Variants in ADARB2 observed in about 807,000 individuals in gnomAD.
ADARB2 encodes the protein adenosine deaminase RNA specific B2 (inactive).
In ADARB2, 25 loss-of-function variants were observed where a neutral mutation model predicts 62.2. The ratio of observed to expected loss-of-function variants is 0.40; its 90% confidence interval spans 0.29 to 0.56. The LOEUF is 0.56. Among genes scored for constraint, ADARB2 ranks in the 20% least tolerant of loss-of-function variants. The probability of loss-of-function intolerance (pLI) is 0.43; values close to 1 mark genes in which losing one functional copy is unlikely to be tolerated. For missense variants in ADARB2, 1,071 were observed against 1,077.4 expected (o/e 0.99, Z 0.08); for synonymous variants, 572 against 500.8 (o/e 1.14, Z -1.90).
chr10:1,396,697 TCTCCC>T, intron 1 of ADARB2, among the ~76,000 whole-genome samples: 1 of 142,482 alleles, frequency 7.0e-6, no homozygotes, highest in African/African-American at 2.7e-5. Flanking sequence ...ACCGTCCGTC[TCTCCC>T]CTCCCGAGCG....
At chr10:1,353,511 G>A (rs908475668) in intron 3 of ADARB2, among the ~76,000 whole-genome samples, 2 of 152,038 alleles carry the variant, frequency 1.3e-5, no homozygotes, top group Non-Finnish European at 2.9e-5. Context: ...GACAGGTCCA[G>A]CAAGACCTCC....
intron 1 of ADARB2, among the ~76,000 whole-genome samples, chr10:1,568,554 A>G (rs1439426558): frequency 2.6e-5 from 4 of 151,738 alleles, no homozygotes; most frequent in African/African-American, 9.7e-5. Context: ...AAAAGAAAGA[A>G]AGAAAAGAAG....
intron 7 of ADARB2, among the ~76,000 whole-genome samples, chr10:1,206,111 T>C (rs1837058497): frequency 6.6e-6 from 1 of 152,254 alleles, no homozygotes; most frequent in Non-Finnish European, 1.5e-5. Flanking sequence ...TCATTTCTCT[T>C]CTGAAAAACC....
intron 1 of ADARB2, among the ~76,000 whole-genome samples, chr10:1,427,405 C>T (rs747307363): frequency 8.5e-5 from 13 of 152,140 alleles, no homozygotes; most frequent in South Asian, 4.1e-4. Flanking sequence ...CCATTAGAAA[C>T]GGGCAAAAGA....
intron 3 of ADARB2, among the ~76,000 whole-genome samples, chr10:1,339,710 C>T (rs1322534598): frequency 6.6e-6 from 1 of 152,208 alleles, no homozygotes. Flanking sequence ...GGGTGTGGGG[C>T]TGCTCTGGCC....
chr10:1,735,531 T>C (rs1588371141), intron 1 of ADARB2, among the ~76,000 whole-genome samples: 1 of 152,280 alleles, frequency 6.6e-6, no homozygotes, highest in East Asian at 1.9e-4. Context: ...GTAAAGATGA[T>C]GCTTCCTTTT....
At chr10:1,657,289 T>C (rs1259539994) in intron 1 of ADARB2, among the ~76,000 whole-genome samples, 1 of 152,238 alleles carries the variant, frequency 6.6e-6, no homozygotes, top group Admixed American at 6.5e-5. Context: ...CTTGTAGTAC[T>C]GCAAATTCTA....
At chr10:1,656,993 C>A (rs1477936865) in intron 1 of ADARB2, among the ~76,000 whole-genome samples, 1 of 96,106 alleles carries the variant, frequency 1.0e-5, no homozygotes, top group Non-Finnish European at 2.1e-5. Flanking sequence ...TGGTACCCAT[C>A]TAGTGTTTTG....
chr10:1,586,570 C>T (rs886088264), intron 1 of ADARB2, among the ~76,000 whole-genome samples: 11 of 152,178 alleles, frequency 7.2e-5, no homozygotes, highest in African/African-American at 2.4e-4. Context: ...ATCTCTGCCC[C>T]GAGGGGATCT....
intron 8 of ADARB2, among the ~76,000 whole-genome samples, chr10:1,199,219 C>G (rs551934510): frequency 2.0e-5 from 3 of 148,396 alleles, no homozygotes; most frequent in Admixed American, 6.7e-5. Context: ...AACCCACCCC[C>G]CCGCTTCCCG....
chr10:1,514,531 C>T (rs933669076), intron 1 of ADARB2, among the ~76,000 whole-genome samples: 2 of 152,148 alleles, frequency 1.3e-5, no homozygotes, highest in Non-Finnish European at 2.9e-5. Flanking sequence ...GCTGCCCCCA[C>T]ACAGTCTGAT....
intron 1 of ADARB2, among the ~76,000 whole-genome samples, chr10:1,495,072 T>C (rs1831669691): frequency 6.6e-6 from 1 of 152,238 alleles, no homozygotes; most frequent in South Asian, 2.1e-4. Context: ...TTTTAAATAG[T>C]TTGATTCTGG....
intron 1 of ADARB2, among the ~76,000 whole-genome samples, chr10:1,705,018 T>C (rs970933864): frequency 2.0e-5 from 3 of 152,172 alleles, no homozygotes; most frequent in Non-Finnish European, 4.4e-5. Flanking sequence ...TTCAAAGCTT[T>C]TCAATATGTG....
At chr10:1,558,921 C>T (rs1832750949) in intron 1 of ADARB2, among the ~76,000 whole-genome samples, 1 of 152,216 alleles carries the variant, frequency 6.6e-6, no homozygotes, top group Non-Finnish European at 1.5e-5. Context: ...TGTTTATGTT[C>T]CATGAGAACC....
At chr10:1,306,466 T>C (rs2131820423) in intron 3 of ADARB2, among the ~76,000 whole-genome samples, 1 of 152,098 alleles carries the variant, frequency 6.6e-6, no homozygotes, top group South Asian at 2.1e-4. Context: ...ATCAATATCG[T>C]GAAAATGGCC....
intron 1 of ADARB2, among the ~76,000 whole-genome samples, chr10:1,725,781 G>A (rs971473228): frequency 6.6e-6 from 1 of 152,228 alleles, no homozygotes; most frequent in African/African-American, 2.4e-5. Context: ...AACCTTTCTA[G>A]AGGTGCGGGT....
At chr10:1,617,542 G>A (rs961018949) in intron 1 of ADARB2, among the ~76,000 whole-genome samples, 1 of 150,268 alleles carries the variant, frequency 6.7e-6, no homozygotes, top group African/African-American at 2.5e-5. Flanking sequence ...ACCTCAGAGG[G>A]TTACATTCTG....
At chr10:1,200,441 AT>A in intron 7 of ADARB2, 1 of 470,060 alleles carries the variant, frequency 2.1e-6, no homozygotes, top group Non-Finnish European at 3.8e-6. Flanking sequence ...TTAGAATTAG[AT>A]TTTTTTAAAA....
chr10:1,669,567 C>T (rs1222444486), intron 1 of ADARB2, among the ~76,000 whole-genome samples: 1 of 151,852 alleles, frequency 6.6e-6, no homozygotes, highest in African/African-American at 2.4e-5. Context: ...CACACACAGA[C>T]ACAAACACAC....
Sources: gnomAD v4.1 joint callset for allele counts (sites outside exome capture counted in the v4.1 genomes callset) on GRCh38, gnomAD v4.1.1 for gene constraint, MANE v1.5 for transcripts, NCBI Gene and HGNC (gene_info 2026-07-23, HGNC 2026-07-21) for gene names.